The following ANKRD6 variants were observed in gnomAD, a reference collection of about 807,000 sequenced individuals.
ANKRD6 encodes ankyrin repeat domain 6.
A neutral mutation model predicts 82.3 loss-of-function variants in ANKRD6; 56 were observed. The ratio of observed to expected loss-of-function variants is 0.68; its 90% CI spans 0.55 to 0.85. The LOEUF is 0.85. Among genes scored for constraint, ANKRD6 ranks in the 40% least tolerant of loss-of-function variants. The pLI is 0.00. For synonymous variants in ANKRD6, 347 were observed against 352.1 expected, an observed-to-expected ratio of 0.99 and a Z score of 0.16; for missense variants, 852 against 907.6, an observed-to-expected ratio of 0.94 and a Z score of 0.79.
chr6:89,613,004 T>C (rs1800609081), intron 6 of ANKRD6, among the ~76,000 whole-genome samples: 1 of 152,234 alleles, frequency 6.6e-6, no homozygotes, highest in South Asian at 2.1e-4. Flanking sequence ...GCTCTGAACC[T>C]CAGCTTTGAG....
At chr6:89,442,765 A>G (rs1432286635) in intron 1 of ANKRD6, among the ~76,000 whole-genome samples, 1 of 152,200 alleles carries the variant, frequency 6.6e-6, no homozygotes, top group Non-Finnish European at 1.5e-5. Flanking sequence ...AGTAGACAGA[A>G]GTCTCTGGGT....
At chr6:89,463,865 A>T (rs1055463751) in intron 1 of ANKRD6, among the ~76,000 whole-genome samples, 3 of 152,206 alleles carry the variant, frequency 2.0e-5, no homozygotes, top group Non-Finnish European at 4.4e-5. Flanking sequence ...ATCTTATTTT[A>T]TAAAAAAAAG....
intron 1 of ANKRD6, among the ~76,000 whole-genome samples, chr6:89,521,303 G>A (rs1231857899): frequency 2.0e-5 from 3 of 152,120 alleles, no homozygotes; most frequent in Admixed American, 1.3e-4. Flanking sequence ...ACCTGGATTA[G>A]CAGGTCAGGG....
At chr6:89,621,741 T>C in intron 9 of ANKRD6, 181 bp from the exon 10 acceptor site, 1 of 622,908 alleles carries the variant, frequency 1.6e-6, no homozygotes. Flanking sequence ...GTCCCCGTGG[T>C]GCCCAGGACA....
At chr6:89,613,215 C>T (rs1014139534) in intron 6 of ANKRD6, among the ~76,000 whole-genome samples, 3 of 152,050 alleles carry the variant, frequency 2.0e-5, no homozygotes, top group African/African-American at 7.2e-5. Context: ...CCTTTTTTTG[C>T]TCCCAGTGAT....
intron 1 of ANKRD6, among the ~76,000 whole-genome samples, chr6:89,535,830 C>G (rs1328703551): frequency 6.6e-6 from 1 of 152,254 alleles, no homozygotes; most frequent in Non-Finnish European, 1.5e-5. Context: ...GACCCCAACA[C>G]TTACCAGTTG....
At chr6:89,598,338 G>A in intron 3 of ANKRD6, 16 of 985,216 alleles carry the variant, frequency 1.6e-5, no homozygotes, top group Non-Finnish European at 1.9e-5. Flanking sequence ...AGGATGCTGT[G>A]GCCACAGTGA....
chr6:89,567,332 A>G (rs1788753223), intron 2 of ANKRD6, among the ~76,000 whole-genome samples: 1 of 152,162 alleles, frequency 6.6e-6, no homozygotes, highest in African/African-American at 2.4e-5. Flanking sequence ...TTTCTCACCT[A>G]TTTCTTTAGC....
intron 15 of ANKRD6, 191 bp downstream of exon 15, chr6:89,629,429 T>G (rs1806820919): frequency 1.4e-6 from 1 of 737,292 alleles, no homozygotes; most frequent in African/African-American, 1.7e-5. Flanking sequence ...AATAAAGCAC[T>G]CATTTATGTG....
At chr6:89,448,076 AC>A (rs1225705817) in intron 1 of ANKRD6, among the ~76,000 whole-genome samples, 1 of 152,146 alleles carries the variant, frequency 6.6e-6, no homozygotes, top group Non-Finnish European at 1.5e-5. Flanking sequence ...AGCTAATGCA[AC>A]TGATGACTTT....
At position 89,566,869 on chromosome 6, in the gene ANKRD6, G is replaced by T; in HGVS notation, c.-108G>T. The stretch of plus-strand genomic sequence containing the variant: ...TGGCATATTCATAAAGACATCTTCT[G>T]ATGATTGTGAACATCTTTACCTCTG... On this transcript the variant is annotated 5_prime_UTR_variant, in exon 2 of 16. Coordinates refer to ENST00000339746, the MANE Select transcript of ANKRD6 (RefSeq NM_001242809.2). 2 of 1,431,270 alleles carry T rather than the reference G, an allele frequency of 1.4e-6. No homozygotes were observed. The highest frequency in any genetic ancestry group is 9.5e-7 in the Non-Finnish European group (1 of 1,056,846). 88.7% of individuals were successfully genotyped at this position (1,431,270 alleles called of 1,614,324 possible).
intron 1 of ANKRD6, among the ~76,000 whole-genome samples, chr6:89,439,186 A>G (rs567532152): frequency 1.3e-5 from 2 of 152,300 alleles, no homozygotes; most frequent in Admixed American, 6.5e-5. Flanking sequence ...TCATCCAACC[A>G]TGTAGAGAAT....
intron 15 of ANKRD6, 54 bp from the exon 16 acceptor site, chr6:89,630,379 T>C (rs1184049082): frequency 6.4e-7 from 1 of 1,564,108 alleles, no homozygotes; most frequent in Non-Finnish European, 8.7e-7. Context: ...CCCGCAGCCA[T>C]ATGACTGTGT....
At chr6:89,479,875 C>T (rs1309188354) in intron 1 of ANKRD6, among the ~76,000 whole-genome samples, 1 of 151,982 alleles carries the variant, frequency 6.6e-6, no homozygotes, top group Admixed American at 6.6e-5. Flanking sequence ...CAGTAATAAT[C>T]AAGTGAAATT....
At chr6:89,579,268 C>T (rs73752779) in intron 2 of ANKRD6, among the ~76,000 whole-genome samples, 37,813 of 152,122 alleles carry the variant, frequency 0.25, 5,214 homozygotes, top group Non-Finnish European at 0.31. Flanking sequence ...TTAAGCACTA[C>T]CTGAATCAGT....
At chr6:89,622,683 C>G (rs935978800) in intron 10 of ANKRD6, among the ~76,000 whole-genome samples, 4 of 152,186 alleles carry the variant, frequency 2.6e-5, no homozygotes, top group African/African-American at 9.7e-5. Context: ...GCTCCTCTTG[C>G]CCCACACCTC....
intron 1 of ANKRD6, among the ~76,000 whole-genome samples, chr6:89,453,409 A>C (rs1226204396): frequency 6.6e-6 from 1 of 152,220 alleles, no homozygotes; most frequent in African/African-American, 2.4e-5. Context: ...CTTTGTAAAA[A>C]CTTATCAAGA....
At chr6:89,586,692 A>G (rs1793762021) in intron 2 of ANKRD6, among the ~76,000 whole-genome samples, 2 of 151,778 alleles carry the variant, frequency 1.3e-5, no homozygotes, top group East Asian at 3.9e-4. Context: ...CTTGGGGGAG[A>G]AAAAAAGAAA....
intron 2 of ANKRD6, among the ~76,000 whole-genome samples, chr6:89,581,083 A>AT (rs750882259): frequency 9.9e-5 from 15 of 152,158 alleles, no homozygotes; most frequent in Non-Finnish European, 2.2e-4. Context: ...TGCTTCTTAC[A>AT]TTGTTCCTGA....
Sources: allele counts gnomAD v4.1 joint callset (sites outside exome capture counted in the v4.1 genomes callset), GRCh38; gene constraint gnomAD v4.1.1; transcripts MANE v1.5; gene names NCBI Gene and HGNC (gene_info 2026-07-23, HGNC 2026-07-21).